The following NXN variants were observed in gnomAD, a reference collection of about 807,000 sequenced individuals.
NXN encodes nucleoredoxin 1.
A neutral mutation model predicts 48.6 loss-of-function variants in NXN; 16 were observed. The ratio of observed to expected loss-of-function variants is 0.33; its 90% CI spans 0.22 to 0.50. The LOEUF is 0.50. Among genes scored for constraint, NXN ranks in the 20% least tolerant of loss-of-function variants. The probability of loss-of-function intolerance (pLI) is 0.98; values close to 1 mark genes in which losing one functional copy is unlikely to be tolerated. For synonymous variants in NXN, 281 were observed against 269.6 expected (o/e 1.04, Z -0.41); for missense variants, 492 against 605.5 (o/e 0.81, Z 1.97).
intron 5 of NXN, among the ~76,000 whole-genome samples, chr17:808,884 C>A (rs1220134524): frequency 6.6e-6 from 1 of 151,880 alleles, no homozygotes; most frequent in Non-Finnish European, 1.5e-5. Context: ...ACCATGTTGG[C>A]CAAGCTGGTC....
chr17:808,421 G>T (rs1911708109), intron 5 of NXN, among the ~76,000 whole-genome samples: 1 of 151,268 alleles, frequency 6.6e-6, no homozygotes, highest in Non-Finnish European at 1.5e-5. Context: ...TCCTGCCTCA[G>T]CCTCCCAAGT....
chr17:928,206 A>C (rs941582101), intron 1 of NXN, among the ~76,000 whole-genome samples: 2 of 152,178 alleles, frequency 1.3e-5, no homozygotes, highest in African/African-American at 4.8e-5. Context: ...CACAGAGTCC[A>C]GGCAGCGGGG....
rs149859446 is a variant in NXN, at chr17:845,969, G to A, written c.361-19891C>T. On this transcript the variant is annotated intron_variant, in intron 1 of 7. Transcript: ENST00000336868. ...TCCCAGCTACTCGAGAGGCTGAGGC[G>A]GGAGAATTGCTTGGAGGCCAGAGAA... 4.0e-3 allele frequency among the ~76,000 whole-genome samples: 612 copies of A among 152,064 alleles called. 3 individuals are homozygous for A. The highest frequency in any genetic ancestry group is 0.014 in the African/African-American group (567 of 41,478).
chr17:812,869 T>G (rs1184976822), intron 5 of NXN, among the ~76,000 whole-genome samples: 3 of 137,654 alleles, frequency 2.2e-5, no homozygotes, highest in African/African-American at 8.2e-5. Flanking sequence ...TAGGTGTGTG[T>G]GGGTGTGTGC....
intron 1 of NXN, among the ~76,000 whole-genome samples, chr17:867,894 TC>T: frequency 6.9e-6 from 1 of 145,356 alleles, no homozygotes; most frequent in African/African-American, 2.6e-5. Context: ...AGACTCCAAC[TC>T]AAAAAAAAAA....
intron 1 of NXN, among the ~76,000 whole-genome samples, chr17:838,019 T>C: frequency 6.6e-6 from 1 of 152,140 alleles, no homozygotes; most frequent in East Asian, 1.9e-4. Context: ...TTCTGGGTCC[T>C]TCTCTGCCAC....
intron 1 of NXN, among the ~76,000 whole-genome samples, chr17:834,680 C>A (rs964269412): frequency 1.3e-5 from 2 of 150,776 alleles, no homozygotes; most frequent in African/African-American, 4.9e-5. Flanking sequence ...CCACCACGCC[C>A]GACCTAATTT....
chr17:854,642 G>A (rs1400172864), intron 1 of NXN, among the ~76,000 whole-genome samples: 50 of 129,462 alleles, frequency 3.9e-4, no homozygotes, highest in African/African-American at 1.1e-3. Context: ...GCGACAGAGC[G>A]AGACTCTGTC....
intron 1 of NXN, among the ~76,000 whole-genome samples, chr17:940,565 G>C (rs888180439): frequency 5.9e-5 from 9 of 152,210 alleles, no homozygotes; most frequent in Admixed American, 2.6e-4. Flanking sequence ...TCAGAACCAG[G>C]TACGGACGGC....
At chr17:914,756 G>A (rs2068669791) in intron 1 of NXN, among the ~76,000 whole-genome samples, 1 of 152,178 alleles carries the variant, frequency 6.6e-6, no homozygotes, top group African/African-American at 2.4e-5. Flanking sequence ...GTACCGTGAT[G>A]TGGGAAGCAA....
chr17:864,189 G>T lies in NXN; in HGVS notation c.361-38111C>A, dbSNP rs77855111. ...GAAGGGACGCGTCTGCCGTTGCTCGGTTCCGGTGAAGGGCACAGGATGGGC... is the reference window on the plus strand; with the variant it reads ...GAAGGGACGCGTCTGCCGTTGCTCGTTTCCGGTGAAGGGCACAGGATGGGC... On this transcript the variant is annotated intron_variant, in intron 1 of 7. Transcript: ENST00000336868. 4.6e-6 allele frequency: 6 copies of T among 1,311,572 alleles called. No individual in the cohort carries two copies. The South Asian group carries it at 7.1e-5, about 16-fold the overall frequency. 81.2% of individuals were successfully genotyped at this position (1,311,572 alleles called of 1,614,324 possible). A position where few individuals can be genotyped will look rare whatever the true frequency, so the allele number is the denominator to read the frequency against.
chr17:890,365 A>G (rs565821947), intron 1 of NXN, among the ~76,000 whole-genome samples: 10 of 152,110 alleles, frequency 6.6e-5, no homozygotes, highest in Admixed American at 6.6e-4. Flanking sequence ...GCACCCACAA[A>G]GAAAGAAATT....
intron 1 of NXN, among the ~76,000 whole-genome samples, chr17:887,776 C>T (rs941037001): frequency 6.7e-6 from 1 of 149,250 alleles, no homozygotes; most frequent in Non-Finnish European, 1.5e-5. Flanking sequence ...TTTCTACATG[C>T]CTTTTCCACC....
chr17:866,348 C>G (rs147811976), intron 1 of NXN, among the ~76,000 whole-genome samples: 1 of 151,978 alleles, frequency 6.6e-6, no homozygotes, highest in African/African-American at 2.4e-5. Flanking sequence ...TTTGAGAGGC[C>G]GAGGCAGGAG....
intron 5 of NXN, among the ~76,000 whole-genome samples, chr17:812,424 G>A (rs368321464): frequency 4.6e-5 from 7 of 152,300 alleles, no homozygotes; most frequent in East Asian, 1.9e-4. Flanking sequence ...GCTCTTCAGC[G>A]GGAGAGAAAC....
chr17:940,657 A>C (rs1375630718), intron 1 of NXN, among the ~76,000 whole-genome samples: 3 of 151,758 alleles, frequency 2.0e-5, no homozygotes, highest in African/African-American at 7.3e-5. Flanking sequence ...AACTCACATC[A>C]CACCTTCCTG....
chr17:842,741 C>T (rs899377787), intron 1 of NXN, among the ~76,000 whole-genome samples: 6 of 152,160 alleles, frequency 3.9e-5, no homozygotes, highest in African/African-American at 1.4e-4. Context: ...AGTTCAAGAC[C>T]AGCCCAGCCA....
At position 979,497 on chromosome 17, in the gene NXN, C is replaced by T. The variant is rs1417281205; in HGVS notation, c.182G>A (p.Arg61Gln). The T allele has an allele frequency of 7.4e-6, 9 of 1,216,098 alleles. No individual in the cohort carries two copies. Among genetic ancestry groups the T allele is most frequent in the Non-Finnish European group, 4.1e-6 (4 of 974,538 alleles). 75.3% of individuals were successfully genotyped at this position (1,216,098 alleles called of 1,614,324 possible). A position where few individuals can be genotyped will look rare whatever the true frequency, so the allele number is the denominator to read the frequency against. Residue 61 changes from arginine to glutamine, a missense_variant, in exon 1 of 8, where the codon CGG becomes CAG. Arg to Gln is a conservative substitution (Grantham distance 43, BLOSUM62 1). Transcript: ENST00000336868. The part of the protein sequence containing the change: ...ASLAAFYGRL[R>Q]GDAAAGPGPG... Reference sequence around the variant, plus strand: ...CCCCGGCCCGGCCGCCGCGTCCCCCCGCAGGCGCCCGTAGAAGGCGGCCAG... The same window carrying T: ...CCCCGGCCCGGCCGCCGCGTCCCCCTGCAGGCGCCCGTAGAAGGCGGCCAG...
At chr17:930,668 T>C (rs1379164053) in intron 1 of NXN, among the ~76,000 whole-genome samples, 1 of 151,982 alleles carries the variant, frequency 6.6e-6, no homozygotes, top group Non-Finnish European at 1.5e-5. Flanking sequence ...CAAAGTCCTA[T>C]TGAAGGATAA....
Sources: gnomAD v4.1 joint callset for allele counts (sites outside exome capture counted in the v4.1 genomes callset) on GRCh38, gnomAD v4.1.1 for gene constraint, MANE v1.5 for transcripts, NCBI Gene and HGNC (gene_info 2026-07-23, HGNC 2026-07-21) for gene names.